SH3PXD2B: variants seen among roughly 807,000 people sequenced by gnomAD.
SH3PXD2B encodes SH3 and PX domain-containing protein 2B.
In SH3PXD2B, 37 loss-of-function variants were observed where a neutral mutation model predicts 73.1. The observed-to-expected ratio is 0.51, with a 90% CI of 0.39 to 0.67. SH3PXD2B has a LOEUF of 0.67. Ranked by LOEUF, SH3PXD2B falls within the 30% of genes least tolerant of loss-of-function variation. The pLI, the probability that SH3PXD2B is intolerant of heterozygous loss-of-function variation, is 0.00. For synonymous variants in SH3PXD2B, 457 were observed against 480.5 expected (o/e 0.95, Z 0.64); for missense variants, 1,053 against 1,197.8 (o/e 0.88, Z 1.78).
chr5:172,384,891 T>C (rs1758024548), intron 4 of SH3PXD2B, among the ~76,000 whole-genome samples: 1 of 152,004 alleles, frequency 6.6e-6, no homozygotes, highest in African/African-American at 2.4e-5. Context: ...GTAGGGCACC[T>C]TCCCTGGTCA....
At chr5:172,332,274 GAC>G (rs1412066407), downstream of SH3PXD2B, among the ~76,000 whole-genome samples, 6 of 119,704 alleles carry the variant, frequency 5.0e-5, no homozygotes, top group South Asian at 8.3e-4. Context: ...TTTTTTTTGC[GAC>G]ACAGTCTTGC....
intron 10 of SH3PXD2B, among the ~76,000 whole-genome samples, chr5:172,348,691 CTATCTATCTATCTATCTATTTATT>C (rs1757078512): frequency 5.0e-5 from 2 of 40,398 alleles, no homozygotes; most frequent in African/African-American, 1.5e-4. Flanking sequence ...ATCTATCTAT[CTATCTATCTATCTATCTATTTATT>C]TATTTTTGAG....
chr5:172,390,905 G>T (rs10053489), intron 4 of SH3PXD2B, among the ~76,000 whole-genome samples: 1 of 150,128 alleles, frequency 6.7e-6, no homozygotes, highest in African/African-American at 2.4e-5. Context: ...GCAATGACAC[G>T]ATCTCGGCTC....
chr5:172,367,534 T>A (rs1448596060), intron 6 of SH3PXD2B, among the ~76,000 whole-genome samples: 1 of 152,138 alleles, frequency 6.6e-6, no homozygotes, highest in Non-Finnish European at 1.5e-5. Flanking sequence ...GGCCTTTTGA[T>A]ACCTTATTAG....
chr5:172,414,082 C>T (rs1288942766), intron 2 of SH3PXD2B, among the ~76,000 whole-genome samples: 1 of 152,168 alleles, frequency 6.6e-6, no homozygotes, highest in African/African-American at 2.4e-5. Flanking sequence ...TGCAGTGGAG[C>T]ATGGGGGCTT....
chr5:172,375,021 G>A (rs1249849924), intron 5 of SH3PXD2B, among the ~76,000 whole-genome samples: 2 of 152,124 alleles, frequency 1.3e-5, no homozygotes, highest in Non-Finnish European at 2.9e-5. Context: ...AACCCAGATC[G>A]AACTAACTTT....
chr5:172,402,193 T>G (rs1013825994), intron 3 of SH3PXD2B, among the ~76,000 whole-genome samples: 6 of 152,174 alleles, frequency 3.9e-5, no homozygotes, highest in African/African-American at 1.4e-4. Context: ...TATGGTTGTA[T>G]GTAAGGGATG....
At chr5:172,325,234 T>G in exon 13 of SH3PXD2B, 2 of 1,402,498 alleles carry the variant, frequency 1.4e-6, no homozygotes, top group African/African-American at 2.9e-5. Context: ...AAAAGCAGTT[T>G]AGCAAATTCA....
intron 8 of SH3PXD2B, among the ~76,000 whole-genome samples, chr5:172,356,069 T>C (rs903522369): frequency 6.6e-6 from 1 of 152,150 alleles, no homozygotes; most frequent in Non-Finnish European, 1.5e-5. Flanking sequence ...TGTCGGACCC[T>C]GGCCTGGCCA....
At chr5:172,360,955 T>A (rs1382123658) in intron 7 of SH3PXD2B, among the ~76,000 whole-genome samples, 3 of 152,224 alleles carry the variant, frequency 2.0e-5, no homozygotes, top group Admixed American at 1.3e-4. Context: ...AGTACGAATA[T>A]GAATATATGA....
At chr5:172,402,486 A>G (rs1231987454) in intron 3 of SH3PXD2B, among the ~76,000 whole-genome samples, 1 of 152,142 alleles carries the variant, frequency 6.6e-6, no homozygotes, top group Non-Finnish European at 1.5e-5. Flanking sequence ...TTTGAAAATC[A>G]CTAATAAAAA....
chr5:172,342,889 G>A (rs1430845109), intron 12 of SH3PXD2B, among the ~76,000 whole-genome samples: 1 of 152,218 alleles, frequency 6.6e-6, no homozygotes, highest in Non-Finnish European at 1.5e-5. Context: ...CTCAGCGCCA[G>A]GACGCAAATG....
intron 1 of SH3PXD2B, among the ~76,000 whole-genome samples, chr5:172,443,312 A>T (rs926082333): frequency 2.0e-4 from 31 of 152,350 alleles, no homozygotes; most frequent in East Asian, 1.9e-4. Context: ...GCCTTCATTC[A>T]TCACAGAAGG....
intron 3 of SH3PXD2B, among the ~76,000 whole-genome samples, chr5:172,403,006 C>T (rs73804824): frequency 0.062 from 9,490 of 152,318 alleles, 917 homozygotes; most frequent in African/African-American, 0.21. Flanking sequence ...GGCATGGGAG[C>T]CAGCACCTCC....
chr5:172,418,222 G>A (rs1218256130), intron 2 of SH3PXD2B, among the ~76,000 whole-genome samples: 3 of 152,204 alleles, frequency 2.0e-5, no homozygotes, highest in African/African-American at 7.2e-5. Flanking sequence ...GGATAAGCTT[G>A]TCTGAAGGAC....
intron 2 of SH3PXD2B, among the ~76,000 whole-genome samples, chr5:172,417,381 G>A (rs1309608153): frequency 6.6e-6 from 1 of 152,152 alleles, no homozygotes. Flanking sequence ...ACATCAACTG[G>A]CCTGGACACA....
intron 4 of SH3PXD2B, among the ~76,000 whole-genome samples, chr5:172,387,449 C>G (rs1758084776): frequency 6.6e-6 from 1 of 152,214 alleles, no homozygotes; most frequent in Non-Finnish European, 1.5e-5. Flanking sequence ...GAAATATTCT[C>G]AGACACTCTG....
At chr5:172,453,222 A>AT (rs1345653404) in intron 1 of SH3PXD2B, among the ~76,000 whole-genome samples, 8 of 151,756 alleles carry the variant, frequency 5.3e-5, no homozygotes, top group Middle Eastern at 3.4e-3. Flanking sequence ...CTTTGTTAGG[A>AT]TTTTTTCCCT....
intron 1 of SH3PXD2B, among the ~76,000 whole-genome samples, chr5:172,440,463 A>T (rs1178586923): frequency 6.6e-6 from 1 of 152,162 alleles, no homozygotes; most frequent in Non-Finnish European, 1.5e-5. Flanking sequence ...GCATTTAACG[A>T]GCGGGCAGGA....
Sources: allele counts gnomAD v4.1 joint callset (sites outside exome capture counted in the v4.1 genomes callset), GRCh38; gene constraint gnomAD v4.1.1; transcripts MANE v1.5; gene names NCBI Gene and HGNC (gene_info 2026-07-23, HGNC 2026-07-21).